CELSR1: variants seen among roughly 807,000 people sequenced by gnomAD.
CELSR1 encodes cadherin EGF LAG seven-pass G-type receptor 1.
Under a neutral mutation model 249.1 loss-of-function variants are expected in CELSR1, and 110 were observed. The ratio of observed to expected loss-of-function variants is 0.44; its 90% confidence interval spans 0.38 to 0.52. CELSR1 has a LOEUF of 0.52. CELSR1 is among the 20% of genes least tolerant of loss of function. CELSR1 has a pLI of 0.00. For synonymous variants in CELSR1, 2,113 were observed against 1,900.0 expected (o/e 1.11, Z -2.92); for missense variants, 4,109 against 4,296.4 (o/e 0.96, Z 1.22).
chr22:46,364,226 G>A lies in CELSR1; in HGVS notation c.8805C>T (p.Tyr2935=). ...GCTCCGTCAGCGTCAGCGGCGGCGGGTAGGTGACTTTATTTTTCAAGATGC... is the reference window on the plus strand; with the variant it reads ...GCTCCGTCAGCGTCAGCGGCGGCGGATAGGTGACTTTATTTTTCAAGATGC... The part of the protein sequence containing the change: ...RKGILKNKVT[Y]PPPLTLTEQT... The change falls in exon 34 of 35, where the codon TAC becomes TAT. Residue 2935 remains tyrosine, a synonymous_variant. Transcript: ENST00000674500. 1.2e-6 allele frequency: 2 copies of A among 1,610,126 alleles called. No homozygotes were observed. The highest frequency in any genetic ancestry group is 1.7e-6 in the Non-Finnish European group (2 of 1,179,668).
At chr22:46,507,192 G>A (rs200215149) in intron 1 of CELSR1, among the ~76,000 whole-genome samples, 2,599 of 152,136 alleles carry the variant, frequency 0.017, 70 homozygotes, top group African/African-American at 0.06. Context: ...GTCTAAAAAA[G>A]AAAACAAAAT....
Position 46,535,973 on chromosome 22 carries a change from A to T in CELSR1, c.1198T>A (p.Phe400Ile). Residue 400 changes from phenylalanine (F) to isoleucine (I), a missense_variant, in exon 1 of 35, where the codon TTC (phenylalanine) becomes ATC (isoleucine). Physicochemically the swap from Phe to Ile is conservative, Grantham distance 21. Transcript: ENST00000674500. ...ACGCCAGAGCTCTCGTTGAGCTGGA[A>T]GACGTCCCACGCGCCCCCCAACACG... is the stretch of plus-strand genomic sequence containing the variant. Reference protein sequence around the residue: ...YRVLGGAWDVFQLNESSGVVS... With the variant: ...YRVLGGAWDVIQLNESSGVVS... 1 of 1,610,538 alleles carries T rather than the reference A, an allele frequency of 6.2e-7. No homozygotes were observed.
rs747584958 is a variant in CELSR1 at position 46,364,108 on chromosome 22, C to T, written c.8923G>A (p.Asp2975Asn). Reference sequence around the variant, plus strand: ...GGGCTCTTGACTGTGATGGCGCAGTCGGGGCCGCCAGAGCCCAGGGAAGAC... The same window carrying T: ...GGGCTCTTGACTGTGATGGCGCAGTTGGGGCCGCCAGAGCCCAGGGAAGAC... ...RTSSLGSGGP[D>N]CAITVKSPGR... The change falls in exon 34 of 35, where the codon GAC (aspartate) becomes AAC (asparagine). Residue 2975 changes from aspartate to asparagine, a missense_variant. By Grantham distance (23) the Asp-to-Asn change is conservative (BLOSUM62 1). Around this residue, in one of 7 missense-constraint regions of CELSR1, gnomAD observed 1,805 missense variants for 1,831.6 expected, o/e 0.99. Transcript: ENST00000674500. 49 of 1,612,120 alleles carry T rather than the reference C, an allele frequency of 3.0e-5. No individual in the cohort carries two copies. Among genetic ancestry groups the T allele is most frequent in the East Asian group, 4.5e-5 (2 of 44,856 alleles).
rs137878344 is a variant in CELSR1 at position 46,433,541 on chromosome 22, C to G, written c.4523-60G>C. 169 of 1,352,160 alleles carry G rather than the reference C, an allele frequency of 1.2e-4. No individual in the cohort carries two copies. In the African/African-American group the frequency reaches 2.2e-3, roughly 18 times the overall value. The allele number at this position is 1,352,160 out of a possible 1,614,324, so 83.8% of individuals were successfully genotyped here. ...GGGGTTGGCGGGGCCTACTGGGGAC[C>G]GAGGATTGCGCTGTGAGGCATCAGG... is the stretch of plus-strand genomic sequence containing the variant. On this transcript the variant is annotated intron_variant, in intron 4 of 34. Coordinates refer to ENST00000674500, the MANE Select transcript of CELSR1 (RefSeq NM_001378328.1). This position sits in a 1 kb window ranked among gnomAD's most constrained non-coding sequence, Gnocchi z 5.7.
Position 46,401,395 on chromosome 22 carries a change from A to C in CELSR1, c.5227-1493T>G, listed in dbSNP as rs2147292764. On this transcript the variant is annotated intron_variant, in intron 9 of 34. Transcript: ENST00000674500. This position sits in a 1 kb window ranked among gnomAD's most constrained non-coding sequence, Gnocchi z 4.7. ...TATTAAAGAATGTCTGTTTGAAGAC[A>C]CTGAAGTGGCTCCAGGCAAAACAGA... Among the ~76,000 whole-genome samples the C allele has an allele frequency of 6.6e-6, 1 of 152,356 alleles. No homozygotes were observed. Among genetic ancestry groups the C allele is most frequent in the Non-Finnish European group, 1.5e-5 (1 of 68,032 alleles).
chr22:46,516,411 A>G (rs2080628525), intron 1 of CELSR1, among the ~76,000 whole-genome samples: 1 of 152,122 alleles, frequency 6.6e-6, no homozygotes, highest in Admixed American at 6.6e-5. Context: ...GAACAATGAG[A>G]ACACTTGGAC....
chr22:46,518,267 G>A lies in CELSR1; in HGVS notation c.3544+15360C>T, dbSNP rs923920200. On this transcript the variant is annotated intron_variant, in intron 1 of 34. Coordinates refer to ENST00000674500, the MANE Select transcript of CELSR1 (RefSeq NM_001378328.1). This position sits in a 1 kb window ranked among gnomAD's most constrained non-coding sequence, Gnocchi z 5.2. ...CACAGCGCGGCCCCTCAGCACAGACGCTGCTATCACAGCAGACCTTACTGA... is the reference window on the plus strand; with the variant it reads ...CACAGCGCGGCCCCTCAGCACAGACACTGCTATCACAGCAGACCTTACTGA... 6.6e-6 allele frequency among the ~76,000 whole-genome samples: 1 copy of A among 152,168 alleles called. No homozygotes were observed. The highest frequency in any genetic ancestry group is 1.5e-5 in the Non-Finnish European group (1 of 68,036).
chr22:46,363,120 C>T lies in CELSR1; in HGVS notation c.*103G>A. The T allele has an allele frequency of 6.2e-7, 1 of 1,613,210 alleles. No individual in the cohort carries two copies. Among genetic ancestry groups the T allele is most frequent in the East Asian group, 2.2e-5 (1 of 44,878 alleles). On this transcript the variant is annotated 3_prime_UTR_variant, in exon 35 of 35. Coordinates refer to ENST00000674500, the MANE Select transcript of CELSR1 (RefSeq NM_001378328.1). The surrounding 1 kb of genome is among the most constrained non-coding windows in gnomAD (Gnocchi z 4.3). ...CCACTCCACTTCAAGGGCAGTGGCC[C>T]CTTGGGCTCCAAGGTCTGAGGGTGA...
At position 46,526,167 on chromosome 22, in the gene CELSR1, G is replaced by A. The variant is rs563703687; in HGVS notation, c.3544+7460C>T. Among the ~76,000 whole-genome samples the A allele has an allele frequency of 5.6e-4, 85 of 152,156 alleles. No homozygotes were observed. Among genetic ancestry groups the A allele is most frequent in the African/African-American group, 1.9e-3 (77 of 41,522 alleles). On this transcript the variant is annotated intron_variant, in intron 1 of 34. Transcript: ENST00000674500. The surrounding 1 kb of genome is among the most constrained non-coding windows in gnomAD (Gnocchi z 4.7). The stretch of plus-strand genomic sequence containing the variant: ...TCTCCCAGGCCCCTTTTTCCCGTCC[G>A]CCTCCTGCTCCTCCATTCCCTCCAG...
chr22:46,394,018 G>T, intron 14 of CELSR1, 124 bp downstream of exon 14: 2 of 1,237,878 alleles, frequency 1.6e-6, no homozygotes, highest in Non-Finnish European at 2.2e-6. Context: ...AGTGGGCACA[G>T]GTGTGTGTGC....
rs776269925 is a variant in CELSR1, at chr22:46,363,153, G to A, written c.*70C>T. Reference sequence around the variant, plus strand: ...TCCAAGGTCTGAGGGTGATGCCGCAGCCTGTGTGGGGTGACGGGCTTGCCT... The same window carrying A: ...TCCAAGGTCTGAGGGTGATGCCGCAACCTGTGTGGGGTGACGGGCTTGCCT... On this transcript the variant is annotated 3_prime_UTR_variant, in exon 35 of 35. Transcript: ENST00000674500. The surrounding 1 kb of genome is among the most constrained non-coding windows in gnomAD (Gnocchi z 4.3). The A allele has an allele frequency of 6.2e-7, 1 of 1,613,780 alleles. No individual in the cohort carries two copies. The highest frequency in any genetic ancestry group is 1.7e-5 in the Admixed American group (1 of 60,026).
chr22:46,366,377 C>A lies in CELSR1; in HGVS notation c.8300+9G>T. 1.3e-6 allele frequency: 2 copies of A among 1,540,844 alleles called. No homozygotes were observed. Among genetic ancestry groups the A allele is most frequent in the Non-Finnish European group, 1.8e-6 (2 of 1,141,126 alleles). ...AGCCACCTCCCCGAACCCGGAGCTG[C>A]GGCCTGACCTGACGATGCTGTCCAG... is the stretch of plus-strand genomic sequence containing the variant. On this transcript the variant is annotated intron_variant, in intron 30 of 34. Coordinates refer to ENST00000674500, the MANE Select transcript of CELSR1 (RefSeq NM_001378328.1).
intron 1 of CELSR1, among the ~76,000 whole-genome samples, chr22:46,515,608 C>T (rs765378886): frequency 2.0e-5 from 3 of 152,146 alleles, no homozygotes; most frequent in Non-Finnish European, 4.4e-5. Context: ...ATAGGACGGG[C>T]CTCAGTCACA....
rs1386653365 is a variant in CELSR1, at chr22:46,534,103, G to A, written c.3068C>T (p.Ala1023Val). 1 of 1,613,696 alleles carries A rather than the reference G, an allele frequency of 6.2e-7. No individual in the cohort carries two copies. Residue 1023 changes from alanine to valine, a missense_variant, in exon 1 of 35, where the codon GCT (alanine) becomes GTT (valine). Around this residue, in one of 7 missense-constraint regions of CELSR1, gnomAD observed 886 missense variants for 896.5 expected, o/e 0.99. Transcript: ENST00000674500. This position sits in a 1 kb window ranked among gnomAD's most constrained non-coding sequence, Gnocchi z 9.7. ...ATTAGGGCCTTCATCAGGGTCGTTAGCACGAATCTTTGCCACCACCGACCC... is the reference window on the plus strand; with the variant it reads ...ATTAGGGCCTTCATCAGGGTCGTTAACACGAATCTTTGCCACCACCGACCC... ...PVGSVVAKIR[A>V]NDPDEGPNAQ...
In CELSR1 at chr22:46,398,538, G is replaced by A. The variant is rs754833774; in HGVS notation, c.5512C>T (p.Arg1838Ter). ...EDKVSVRRGF[R>*]GCMQGVRMGG... ...CCCCCACGCACCTGCATGCAGCCTC[G>A]GAATCCACGGCGCACGGAGACCTTG... The change falls in exon 11 of 35, where the codon CGA becomes TGA. Residue 1838 changes from arginine to a stop codon, truncating the protein, a stop_gained. Coordinates refer to ENST00000674500, the MANE Select transcript of CELSR1 (RefSeq NM_001378328.1). LOFTEE classifies it high-confidence loss of function. This position sits in a 1 kb window ranked among gnomAD's most constrained non-coding sequence, Gnocchi z 7.2. The A allele has an allele frequency of 3.1e-6, 5 of 1,609,562 alleles. No homozygotes were observed. Among genetic ancestry groups the A allele is most frequent in the Non-Finnish European group, 3.4e-6 (4 of 1,177,466 alleles).
chr22:46,534,539 G>A lies in CELSR1; in HGVS notation c.2632C>T (p.Leu878=), dbSNP rs758408409. ...TTGGCATCGAGGATGAGGATCTCTA[G>A]GGTGGTGGTGTCTGATTTCTGCGGG... ...GIPQKSDTTT[L]EILILDANDN... Residue 878 remains leucine (L), a synonymous_variant, in exon 1 of 35, where the codon CTA becomes TTA. Coordinates refer to ENST00000674500, the MANE Select transcript of CELSR1 (RefSeq NM_001378328.1). This position sits in a 1 kb window ranked among gnomAD's most constrained non-coding sequence, Gnocchi z 9.7. The A allele has an allele frequency of 4.2e-5, 68 of 1,613,508 alleles. No individual in the cohort carries two copies. Among genetic ancestry groups the A allele is most frequent in the Non-Finnish European group, 5.5e-5 (65 of 1,180,040 alleles).
At chr22:46,469,990 G>GGGAGGGAGGAGGAGGGGAA (rs1569186659) in intron 1 of CELSR1, among the ~76,000 whole-genome samples, 3 of 120,052 alleles carry the variant, frequency 2.5e-5, no homozygotes, top group Non-Finnish European at 5.6e-5. Flanking sequence ...GAGGAGGGGA[G>GGGAGGGAGGAGGAGGGGAA]GGAGGGAGGG....
chr22:46,537,195 G>A lies in CELSR1; in HGVS notation c.-25C>T. The stretch of plus-strand genomic sequence containing the variant: ...TGGCCCGGAGCCCGAGCCCGAGCCG[G>A]GCGCCCGAACACAATCCATGCACCC... On this transcript the variant is annotated 5_prime_UTR_variant, in exon 1 of 35. Transcript: ENST00000674500. The surrounding 1 kb of genome is among the most constrained non-coding windows in gnomAD (Gnocchi z 5.8). The A allele has an allele frequency of 9.8e-7, 1 of 1,019,736 alleles. No individual in the cohort carries two copies. The highest frequency in any genetic ancestry group is 1.7e-5 in the African/African-American group (1 of 57,648). 63.2% of individuals were successfully genotyped at this position (1,019,736 alleles called of 1,614,324 possible). A position where few individuals can be genotyped will look rare whatever the true frequency, so the allele number is the denominator to read the frequency against.
At position 46,464,028 on chromosome 22, in the gene CELSR1, G is replaced by A. The variant is rs769121510; in HGVS notation, c.3862C>T (p.Arg1288Trp). The A allele has an allele frequency of 2.2e-5, 35 of 1,613,654 alleles. No individual in the cohort carries two copies. Among genetic ancestry groups the A allele is most frequent in the Non-Finnish European group, 2.9e-5 (34 of 1,180,038 alleles). The change falls in exon 2 of 35, where the codon CGG (arginine) becomes TGG (tryptophan). Residue 1288 changes from arginine to tryptophan, a missense_variant. By Grantham distance (101) the Arg-to-Trp change is moderately radical (BLOSUM62 -3). Transcript: ENST00000674500. The surrounding 1 kb of genome is among the most constrained non-coding windows in gnomAD (Gnocchi z 8.5). ...GTGGAGATGGTGGTCAGCAGCGTCC[G>A]ATTCAGGTAGATCTGCTCCTGCAGG... ...EDLQEQIYLN[R>W]TLLTTISTQR...
Sources: allele counts gnomAD v4.1 joint callset (sites outside exome capture counted in the v4.1 genomes callset), GRCh38; gene constraint gnomAD v4.1.1; regional missense constraint gnomAD v4.1.1; non-coding constraint Gnocchi (gnomAD v3.1); transcripts MANE v1.5; gene names NCBI Gene and HGNC (gene_info 2026-07-23, HGNC 2026-07-21).